Variants in MDFIC observed in about 807,000 individuals in gnomAD.
The protein encoded by MDFIC is myoD family inhibitor domain-containing protein.
Under a neutral mutation model 23.2 loss-of-function variants are expected in MDFIC, and 17 were observed. The ratio of observed to expected loss-of-function variants is 0.73; its 90% CI spans 0.50 to 1.10. The LOEUF (loss-of-function observed/expected upper bound fraction) is 1.10, where lower values mean the gene tolerates loss of function less well. MDFIC is among the 50% of genes least tolerant of loss of function. MDFIC has a pLI of 0.00. For missense variants in MDFIC, 356 were observed against 316.6 expected, an observed-to-expected ratio of 1.12 and a Z score of -0.95; for synonymous variants, 120 against 115.2, an observed-to-expected ratio of 1.04 and a Z score of -0.27.
chr7:114,977,546 A>G (rs1194866211), intron 3 of MDFIC, among the ~76,000 whole-genome samples: 7 of 152,114 alleles, frequency 4.6e-5, no homozygotes, highest in Non-Finnish European at 1.5e-5. Flanking sequence ...TGCAAGCCAT[A>G]CTTCTCTTCT....
At chr7:114,971,586 TG>T (rs1793205884) in intron 3 of MDFIC, among the ~76,000 whole-genome samples, 1 of 152,212 alleles carries the variant, frequency 6.6e-6, no homozygotes, top group Non-Finnish European at 1.5e-5. Flanking sequence ...CTTTGTGACC[TG>T]TATTGCTTGC....
At chr7:114,941,208 T>A (rs1384766699) in intron 2 of MDFIC, among the ~76,000 whole-genome samples, 1 of 152,218 alleles carries the variant, frequency 6.6e-6, no homozygotes, top group East Asian at 1.9e-4. Flanking sequence ...ATCACAAGTG[T>A]GCACAAATTT....
At chr7:114,985,991 T>G (rs1220788864) in intron 4 of MDFIC, among the ~76,000 whole-genome samples, 1 of 151,944 alleles carries the variant, frequency 6.6e-6, no homozygotes, top group Non-Finnish European at 1.5e-5. Flanking sequence ...TACTGCTATG[T>G]ATTAACCTGC....
At chr7:114,935,675 A>C (rs1346384411) in intron 2 of MDFIC, among the ~76,000 whole-genome samples, 1 of 152,098 alleles carries the variant, frequency 6.6e-6, no homozygotes, top group African/African-American at 2.4e-5. Flanking sequence ...GTCCGGGGAA[A>C]TCAGAATATA....
intron 3 of MDFIC, among the ~76,000 whole-genome samples, chr7:114,976,978 T>G (rs1365028432): frequency 6.6e-6 from 1 of 152,188 alleles, no homozygotes; most frequent in African/African-American, 2.4e-5. Context: ...CTTTTCCAAG[T>G]GGAAGAGTTC....
rs1350743342 is a variant in MDFIC at position 115,018,869 on chromosome 7, G to T, written c.*2934G>T. On this transcript the variant is annotated 3_prime_UTR_variant, in exon 5 of 5. Transcript: ENST00000393486. ...TTATCATGTTTCATCCCTGTCTGAA[G>T]ATTTCCTAGTCTTCTTATGTAAATC... The T allele has an allele frequency of 6.6e-6, 1 of 151,918 alleles. No homozygotes were observed. The highest frequency in any genetic ancestry group is 2.4e-5 in the African/African-American group (1 of 41,406). The allele number at this position is 151,918 out of a possible 1,614,324, so 9.4% of individuals were successfully genotyped here.
chr7:114,973,754 C>T (rs187100144), intron 3 of MDFIC, among the ~76,000 whole-genome samples: 14 of 152,096 alleles, frequency 9.2e-5, no homozygotes, highest in Admixed American at 7.2e-4. Flanking sequence ...TCATTAAAAC[C>T]GAACTAATGT....
rs532109000 is a variant in MDFIC, at chr7:115,017,448, A to G, written c.*1513A>G. 1 of 152,586 alleles carries G rather than the reference A, an allele frequency of 6.6e-6. No homozygotes were observed. The highest frequency in any genetic ancestry group is 1.9e-4 in the East Asian group (1 of 5,186). The allele number at this position is 152,586 out of a possible 1,614,324, so 9.5% of individuals were successfully genotyped here. On this transcript the variant is annotated 3_prime_UTR_variant, in exon 5 of 5. Transcript: ENST00000393486. The stretch of plus-strand genomic sequence containing the variant: ...TGGGATGAGAACATTTTAGTTGTTT[A>G]GTTTGTTTCTTAAGCAGTGCTATTT...
At chr7:114,924,994 G>A (rs1301364756) in intron 2 of MDFIC, among the ~76,000 whole-genome samples, 2 of 151,956 alleles carry the variant, frequency 1.3e-5, no homozygotes, top group African/African-American at 4.8e-5. Context: ...TTCTGTCCTT[G>A]GATTCTTTAT....
chr7:114,991,724 C>T (rs1791167899), intron 4 of MDFIC, among the ~76,000 whole-genome samples: 1 of 152,140 alleles, frequency 6.6e-6, no homozygotes, highest in Non-Finnish European at 1.5e-5. Flanking sequence ...TGTTTTGGTA[C>T]CAGTACCATG....
intron 3 of MDFIC, among the ~76,000 whole-genome samples, chr7:114,967,963 A>T (rs1793136407): frequency 6.6e-6 from 1 of 151,702 alleles, no homozygotes; most frequent in South Asian, 2.1e-4. Context: ...CAAGTAGCTG[A>T]TACCACAGGC....
At chr7:115,002,227 T>C (rs1791479156) in intron 4 of MDFIC, among the ~76,000 whole-genome samples, 1 of 152,202 alleles carries the variant, frequency 6.6e-6, no homozygotes, top group African/African-American at 2.4e-5. Flanking sequence ...TTGAACTTAC[T>C]TGTGACTCTG....
intron 3 of MDFIC, among the ~76,000 whole-genome samples, chr7:114,951,936 A>C (rs1389335929): frequency 6.6e-6 from 1 of 152,286 alleles, no homozygotes; most frequent in East Asian, 1.9e-4. Context: ...AAATATTATT[A>C]TGAATTTCAA....
At chr7:115,006,990 G>A (rs1791582906) in intron 4 of MDFIC, among the ~76,000 whole-genome samples, 1 of 152,002 alleles carries the variant, frequency 6.6e-6, no homozygotes, top group African/African-American at 2.4e-5. Context: ...GAAAAAATAG[G>A]TTATTATTTT....
At chr7:114,977,252 G>A (rs956266246) in intron 3 of MDFIC, among the ~76,000 whole-genome samples, 1 of 152,044 alleles carries the variant, frequency 6.6e-6, no homozygotes, top group Non-Finnish European at 1.5e-5. Flanking sequence ...GGGCATCAAG[G>A]CTTTTAGCTG....
At chr7:114,992,735 T>G (rs1020803587) in intron 4 of MDFIC, among the ~76,000 whole-genome samples, 8 of 152,224 alleles carry the variant, frequency 5.3e-5, no homozygotes, top group South Asian at 2.1e-4. Context: ...TTGATGTGCT[T>G]CTGGATTCGG....
At chr7:114,964,052 C>A (rs1179181584) in intron 3 of MDFIC, among the ~76,000 whole-genome samples, 1 of 151,938 alleles carries the variant, frequency 6.6e-6, no homozygotes, top group Non-Finnish European at 1.5e-5. Context: ...GTGCTGAAAT[C>A]TTTTTATTGT....
chr7:115,001,981 AC>A (rs2116084704), intron 4 of MDFIC, among the ~76,000 whole-genome samples: 1 of 152,216 alleles, frequency 6.6e-6, no homozygotes, highest in Non-Finnish European at 1.5e-5. Flanking sequence ...TACTAAAAAT[AC>A]AAAAATTAGC....
chr7:114,964,491 C>CT (rs1563143693), intron 3 of MDFIC, among the ~76,000 whole-genome samples: 26 of 112,288 alleles, frequency 2.3e-4, no homozygotes, highest in East Asian at 1.4e-3. Flanking sequence ...CTCCCCTCCC[C>CT]TCCCCTTCCC....
Sources: gnomAD v4.1 joint callset for allele counts (sites outside exome capture counted in the v4.1 genomes callset) on GRCh38, gnomAD v4.1.1 for gene constraint, MANE v1.5 for transcripts, NCBI Gene and HGNC (gene_info 2026-07-23, HGNC 2026-07-21) for gene names.